The following KLHL18 variants were observed in gnomAD, a reference collection of about 807,000 sequenced individuals.
KLHL18 encodes kelch-like protein 18.
Under a neutral mutation model 58.5 loss-of-function variants are expected in KLHL18, and 38 were observed. The observed-to-expected ratio is 0.65, with a 90% CI of 0.50 to 0.85. KLHL18 has a LOEUF of 0.85. Ranked by LOEUF, KLHL18 falls within the 40% of genes least tolerant of loss-of-function variation. The probability of loss-of-function intolerance (pLI) is 0.00; values close to 1 mark genes in which losing one functional copy is unlikely to be tolerated. For synonymous variants in KLHL18, 303 were observed against 301.9 expected, an observed-to-expected ratio of 1.00 and a Z score of -0.04; for missense variants, 624 against 778.4, an observed-to-expected ratio of 0.80 and a Z score of 2.36.
At chr3:47,288,190 C>T (rs1307472297) in intron 1 of KLHL18, among the ~76,000 whole-genome samples, 3 of 137,848 alleles carry the variant, frequency 2.2e-5, no homozygotes, top group Non-Finnish European at 4.5e-5. Flanking sequence ...CACTGCACTC[C>T]AGCCTGGGGA....
intron 8 of KLHL18, 60 bp downstream of exon 8, chr3:47,340,736 GA>G: frequency 3.1e-6 from 5 of 1,594,858 alleles, no homozygotes; most frequent in Non-Finnish European, 4.3e-6. Flanking sequence ...ATAAAAATCA[GA>G]ACTGTAGTTT....
At chr3:47,320,831 T>C (rs1576166374) in intron 2 of KLHL18, among the ~76,000 whole-genome samples, 1 of 151,964 alleles carries the variant, frequency 6.6e-6, no homozygotes, top group African/African-American at 2.4e-5. Context: ...AGGTAGGAGG[T>C]GAGCCGAGGA....
chr3:47,322,988 A>G (rs1469643755), intron 3 of KLHL18, among the ~76,000 whole-genome samples: 4 of 152,036 alleles, frequency 2.6e-5, no homozygotes, highest in Admixed American at 6.6e-5. Context: ...CCAGCCACTA[A>G]TTTAGCTGAT....
At chr3:47,335,708 A>G (rs1213987823) in intron 6 of KLHL18, among the ~76,000 whole-genome samples, 1 of 152,134 alleles carries the variant, frequency 6.6e-6, no homozygotes, top group Non-Finnish European at 1.5e-5. Flanking sequence ...GGGTTTCACC[A>G]TGTTGGCCAG....
chr3:47,342,706 C>G lies in KLHL18; in HGVS notation c.1227-13C>G. On this transcript the variant is annotated splice_polypyrimidine_tract_variant and intron_variant, in intron 8 of 9. Transcript: ENST00000232766. ...TCTCATGCTTCCCCTCCTATTTTGA[C>G]TCTTTCCTGAAGATGGACAGTGGTG... 1.2e-6 allele frequency: 2 copies of G among 1,610,872 alleles called. No individual in the cohort carries two copies. Among genetic ancestry groups the G allele is most frequent in the Non-Finnish European group, 1.7e-6 (2 of 1,177,128 alleles).
rs1488006632 is a variant in KLHL18, at chr3:47,345,352, T to A, written c.*1411T>A. The stretch of plus-strand genomic sequence containing the variant: ...GCCCTGGGCAGACTGACCAGCAAGG[T>A]GGACCTTTACATTCAAGCACAGCTG... On this transcript the variant is annotated 3_prime_UTR_variant, in exon 10 of 10. Coordinates refer to ENST00000232766, the MANE Select transcript of KLHL18 (RefSeq NM_025010.5). The A allele has an allele frequency of 6.5e-6, 1 of 152,678 alleles. No individual in the cohort carries two copies. The highest frequency in any genetic ancestry group is 1.5e-5 in the Non-Finnish European group (1 of 68,064). 9.5% of individuals were successfully genotyped at this position (152,678 alleles called of 1,614,324 possible).
At chr3:47,312,054 A>C (rs1424463792) in intron 1 of KLHL18, among the ~76,000 whole-genome samples, 1 of 152,128 alleles carries the variant, frequency 6.6e-6, no homozygotes, top group Non-Finnish European at 1.5e-5. Flanking sequence ...CTTAGAAGCA[A>C]ATTCGGAGGT....
chr3:47,284,588 C>T (rs1381505275), intron 1 of KLHL18, among the ~76,000 whole-genome samples: 8 of 152,056 alleles, frequency 5.3e-5, no homozygotes, highest in East Asian at 3.9e-4. Flanking sequence ...CTGCCTGTCT[C>T]GGCCTCCCAA....
At position 47,336,899 on chromosome 3, in the gene KLHL18, A is replaced by G. The variant is rs1049245221; in HGVS notation, c.1121+142A>G. On this transcript the variant is annotated intron_variant, in intron 7 of 9. Transcript: ENST00000232766. ...TGCAGCCAGGCCAGCCACTGCCAGT[A>G]CCTCCTGGGAGCGAGCCCCCATCTG... is the stretch of plus-strand genomic sequence containing the variant. 6 of 671,254 alleles carry G rather than the reference A, an allele frequency of 8.9e-6. No homozygotes were observed. In the African/African-American group the frequency reaches 1.1e-4, roughly 12 times the overall value. 41.6% of individuals were successfully genotyped at this position (671,254 alleles called of 1,614,324 possible). A position where few individuals can be genotyped will look rare whatever the true frequency, so the allele number is the denominator to read the frequency against.
rs1703940561 is a variant in KLHL18 at position 47,334,553 on chromosome 3, C to G, written c.762-130C>G. 9.9e-7 allele frequency: 1 copy of G among 1,012,896 alleles called. No homozygotes were observed. Among genetic ancestry groups the G allele is most frequent in the African/African-American group, 1.6e-5 (1 of 62,430 alleles). The allele number at this position is 1,012,896 out of a possible 1,614,324, so 62.7% of individuals were successfully genotyped here. Reference sequence around the variant, plus strand: ...AGAACTCACCTGGTTTCTTTGAGACCAGACCTTCCAGAAGGCTTCTCCTCC... The same window carrying G: ...AGAACTCACCTGGTTTCTTTGAGACGAGACCTTCCAGAAGGCTTCTCCTCC... On this transcript the variant is annotated intron_variant, in intron 5 of 9. Coordinates refer to ENST00000232766, the MANE Select transcript of KLHL18 (RefSeq NM_025010.5). This position sits in a 1 kb window ranked among gnomAD's most constrained non-coding sequence, Gnocchi z 4.7.
chr3:47,302,224 C>G, intron 1 of KLHL18, among the ~76,000 whole-genome samples: 1 of 152,206 alleles, frequency 6.6e-6, no homozygotes, highest in Admixed American at 6.5e-5. Context: ...TGGTAGCTCA[C>G]GCTTGTAATC....
rs779158780 is a variant in KLHL18 at position 47,282,990 on chromosome 3, C to T, written c.25C>T (p.Leu9=). Residue 9 remains leucine (L), a synonymous_variant, in exon 1 of 10, where the codon CTG becomes TTG. Transcript: ENST00000232766. MVEDGAEE[L]EDLVHFSVSE... is the part of the protein sequence containing the mutation. ...GATGGTGGAGGACGGCGCGGAGGAG[C>T]TGGAGGATCTGGTGCACTTCTCCGT... 5.6e-6 allele frequency: 9 copies of T among 1,611,108 alleles called. No homozygotes were observed. The highest frequency in any genetic ancestry group is 1.7e-5 in the Admixed American group (1 of 59,638).
chr3:47,324,410 A>G (rs1019452622), intron 3 of KLHL18, among the ~76,000 whole-genome samples: 3 of 144,886 alleles, frequency 2.1e-5, no homozygotes, highest in African/African-American at 7.7e-5. Context: ...AATCCTGGAA[A>G]GGATTGTTGA....
At chr3:47,284,337 C>CT (rs767276527) in intron 1 of KLHL18, among the ~76,000 whole-genome samples, 28,590 of 126,944 alleles carry the variant, frequency 0.23, 3,701 homozygotes, top group Middle Eastern at 0.29. Context: ...TTTCTTTTTT[C>CT]TTTTTTTTTT....
At chr3:47,288,244 A>AG (rs1702719433) in intron 1 of KLHL18, among the ~76,000 whole-genome samples, 1 of 149,140 alleles carries the variant, frequency 6.7e-6, no homozygotes, top group Non-Finnish European at 1.5e-5. Flanking sequence ...AAAAAAAAAA[A>AG]GACTTTGCCA....
chr3:47,335,681 T>C (rs529248939), intron 6 of KLHL18, among the ~76,000 whole-genome samples: 1 of 152,290 alleles, frequency 6.6e-6, no homozygotes, highest in South Asian at 2.1e-4. Flanking sequence ...CTAATTTTTC[T>C]ATTTTTAGTA....
At chr3:47,310,952 C>T (rs1222146591) in intron 1 of KLHL18, among the ~76,000 whole-genome samples, 1 of 152,288 alleles carries the variant, frequency 6.6e-6, no homozygotes, top group East Asian at 1.9e-4. Context: ...ACTCTATCTC[C>T]ACAGAGTGGC....
intron 4 of KLHL18, among the ~76,000 whole-genome samples, chr3:47,331,783 T>G (rs1703869221): frequency 6.6e-6 from 1 of 151,182 alleles, no homozygotes; most frequent in Admixed American, 6.6e-5. Flanking sequence ...CATATTTGAC[T>G]GCTGTTGGGA....
intron 1 of KLHL18, among the ~76,000 whole-genome samples, chr3:47,299,006 A>T (rs1223558351): frequency 6.6e-6 from 1 of 152,192 alleles, no homozygotes; most frequent in Admixed American, 6.5e-5. Flanking sequence ...CATGTACAGG[A>T]TTTTGAGTGA....
Sources: gnomAD v4.1 joint callset for allele counts (sites outside exome capture counted in the v4.1 genomes callset) on GRCh38, gnomAD v4.1.1 for gene constraint, Gnocchi (gnomAD v3.1) non-coding constraint, MANE v1.5 for transcripts, NCBI Gene and HGNC (gene_info 2026-07-23, HGNC 2026-07-21) for gene names.